The following SMARCC1 variants were observed in gnomAD, a reference collection of about 807,000 sequenced individuals.
The protein encoded by SMARCC1 is SWI/SNF related BAF chromatin remodeling complex subunit C1.
Under a neutral mutation model 147.4 loss-of-function variants are expected in SMARCC1, and 43 were observed. The ratio of observed to expected loss-of-function variants is 0.29; its 90% CI spans 0.23 to 0.38. The LOEUF (loss-of-function observed/expected upper bound fraction) is 0.38. Among genes scored for constraint, SMARCC1 ranks in the 10% least tolerant of loss-of-function variants. The pLI is 1.00. For missense variants in SMARCC1, 1,119 were observed against 1,381.1 expected (o/e 0.81, Z 3.01); for synonymous variants, 495 against 484.4 (o/e 1.02, Z -0.29).
intron 1 of SMARCC1, among the ~76,000 whole-genome samples, chr3:47,781,305 CAA>C (rs1264952209): frequency 6.6e-6 from 1 of 152,196 alleles, no homozygotes; most frequent in Non-Finnish European, 1.5e-5. Flanking sequence ...AGGCAGCTGA[CAA>C]AAGAGAGAGA....
At chr3:47,700,388 AG>A (rs986706618) in intron 11 of SMARCC1, among the ~76,000 whole-genome samples, 1 of 152,208 alleles carries the variant, frequency 6.6e-6, no homozygotes, top group African/African-American at 2.4e-5. Context: ...TGCCTATCAT[AG>A]GTCTTTACTT....
intron 11 of SMARCC1, among the ~76,000 whole-genome samples, chr3:47,696,628 C>T (rs1311796947): frequency 6.6e-6 from 1 of 151,106 alleles, no homozygotes; most frequent in East Asian, 2.0e-4. Context: ...AAGTGATTCT[C>T]CTGCCTCAGC....
intron 18 of SMARCC1, among the ~76,000 whole-genome samples, chr3:47,673,411 A>AGGGGGG (rs2033530006): frequency 2.3e-5 from 2 of 88,556 alleles, no homozygotes; most frequent in African/African-American, 7.1e-5. Context: ...GGGGGGGGGC[A>AGGGGGG]GGCCAGTGGC....
At chr3:47,627,676 G>A (rs566441599) in intron 24 of SMARCC1, among the ~76,000 whole-genome samples, 4 of 152,188 alleles carry the variant, frequency 2.6e-5, no homozygotes, top group African/African-American at 9.6e-5. Context: ...TAAGAGTCTT[G>A]AGTATATGCC....
intron 2 of SMARCC1, among the ~76,000 whole-genome samples, chr3:47,770,155 T>C (rs2034895528): frequency 6.6e-6 from 1 of 150,558 alleles, no homozygotes; most frequent in South Asian, 2.1e-4. Context: ...ATGAACCCGG[T>C]AGGCAGAACT....
At chr3:47,595,077 G>A (rs185170806) in intron 26 of SMARCC1, among the ~76,000 whole-genome samples, 6 of 152,286 alleles carry the variant, frequency 3.9e-5, no homozygotes, top group Non-Finnish European at 7.4e-5. Context: ...CACCGGTTCT[G>A]TATGCAGCCA....
At chr3:47,651,417 C>G (rs927003775) in intron 21 of SMARCC1, among the ~76,000 whole-genome samples, 1 of 152,220 alleles carries the variant, frequency 6.6e-6, no homozygotes, top group African/African-American at 2.4e-5. Context: ...ACCTTAACAT[C>G]TCATATGACC....
At chr3:47,658,601 T>C (rs1025845000) in intron 21 of SMARCC1, among the ~76,000 whole-genome samples, 17 of 152,228 alleles carry the variant, frequency 1.1e-4, no homozygotes, top group Non-Finnish European at 2.2e-4. Context: ...ATGTAAACAC[T>C]TCATTCCTTT....
chr3:47,702,455 C>G (rs945315772), intron 10 of SMARCC1, among the ~76,000 whole-genome samples: 1 of 152,088 alleles, frequency 6.6e-6, no homozygotes, highest in Non-Finnish European at 1.5e-5. Context: ...AATTGTTTAA[C>G]AATTCACTAA....
At chr3:47,772,677 T>G (rs1461883326) in intron 2 of SMARCC1, 140 bp downstream of exon 2, 4 of 693,512 alleles carry the variant, frequency 5.8e-6, no homozygotes, top group Non-Finnish European at 9.3e-6. Flanking sequence ...AATAGTAATA[T>G]TCTATAACTA....
intron 27 of SMARCC1, among the ~76,000 whole-genome samples, chr3:47,588,710 C>A (rs1305408058): frequency 9.0e-6 from 1 of 111,698 alleles, no homozygotes; most frequent in African/African-American, 3.5e-5. Context: ...CCCGCCCCCC[C>A]CCCGCCCCCA....
chr3:47,636,124 CT>C lies in SMARCC1; in HGVS notation c.2388del (p.Val797TrpfsTer28). ...DGQQPEKAEN[K>X]VENETDEGDK... ...TCACCTTCATCCGTTTCATTTTCCA[CT>C]TTATTTTCTGCCTGAAAGGGATATA... On this transcript the variant is annotated frameshift_variant, in exon 23 of 28. Coordinates refer to ENST00000254480, the MANE Select transcript of SMARCC1 (RefSeq NM_003074.4). LOFTEE classifies it high-confidence loss of function. 6.3e-7 allele frequency: 1 copy of C among 1,593,880 alleles called. No individual in the cohort carries two copies.
chr3:47,683,218 T>C (rs902014077), intron 14 of SMARCC1, among the ~76,000 whole-genome samples: 2 of 151,944 alleles, frequency 1.3e-5, no homozygotes, highest in African/African-American at 4.8e-5. Flanking sequence ...CATTTTTTTT[T>C]CGTATTTTTA....
chr3:47,734,304 G>C (rs2034414435), intron 5 of SMARCC1, among the ~76,000 whole-genome samples: 1 of 152,064 alleles, frequency 6.6e-6, no homozygotes, highest in African/African-American at 2.4e-5. Flanking sequence ...AAAGGAACTG[G>C]ACTTCAGATT....
chr3:47,604,413 C>G (rs540693576), intron 26 of SMARCC1: 4 of 403,764 alleles, frequency 9.9e-6, no homozygotes, highest in South Asian at 7.5e-5. Context: ...AGACAGCCAA[C>G]TGACCCAGAT....
At chr3:47,774,306 C>A (rs1181278756) in intron 1 of SMARCC1, among the ~76,000 whole-genome samples, 1 of 150,944 alleles carries the variant, frequency 6.6e-6, no homozygotes, top group Non-Finnish European at 1.5e-5. Flanking sequence ...ACCCCGTCTC[C>A]ACTAAAAAAC....
chr3:47,610,738 T>A (rs1261971633), intron 25 of SMARCC1: 2 of 209,256 alleles, frequency 9.6e-6, no homozygotes, highest in African/African-American at 4.5e-5. Context: ...GATGTTAACA[T>A]TTCAAGTTCA....
chr3:47,691,111 GATA>G (rs1270730023), intron 12 of SMARCC1, among the ~76,000 whole-genome samples: 1 of 152,030 alleles, frequency 6.6e-6, no homozygotes, highest in Non-Finnish European at 1.5e-5. Flanking sequence ...AGATACTTCT[GATA>G]ATATTAAATT....
intron 8 of SMARCC1, among the ~76,000 whole-genome samples, chr3:47,713,346 TAAATAAA>T (rs2034114669): frequency 6.6e-6 from 1 of 150,822 alleles, no homozygotes. Flanking sequence ...AATAAATAAA[TAAATAAA>T]TAAATAAAAG....
Sources: allele counts gnomAD v4.1 joint callset (sites outside exome capture counted in the v4.1 genomes callset), GRCh38; gene constraint gnomAD v4.1.1; transcripts MANE v1.5; gene names NCBI Gene and HGNC (gene_info 2026-07-23, HGNC 2026-07-21).